Variants in TANC1 observed in about 807,000 individuals in gnomAD.
The protein encoded by TANC1 is tetratricopeptide repeat, ankyrin repeat and coiled-coil containing 1.
A neutral mutation model predicts 149.7 loss-of-function variants in TANC1; 77 were observed. The observed-to-expected ratio is 0.51, with a 90% confidence interval of 0.43 to 0.62. The LOEUF is 0.62. Among genes scored for constraint, TANC1 ranks in the 20% least tolerant of loss-of-function variants. TANC1 has a pLI of 0.00. For missense variants in TANC1, 1,985 were observed against 2,321.8 expected (o/e 0.85, Z 2.98); for synonymous variants, 854 against 925.0 (o/e 0.92, Z 1.39).
At chr2:159,174,190 G>A (rs1028780293) in intron 11 of TANC1, among the ~76,000 whole-genome samples, 6 of 152,110 alleles carry the variant, frequency 3.9e-5, no homozygotes, top group Middle Eastern at 3.4e-3. Context: ...TCTATAGCAC[G>A]CCTCCCATTC....
chr2:159,081,548 G>C (rs540839246), intron 3 of TANC1, among the ~76,000 whole-genome samples: 1 of 152,270 alleles, frequency 6.6e-6, no homozygotes, highest in Non-Finnish European at 1.5e-5. Flanking sequence ...TTCCCAAATG[G>C]AGATGTGGCA....
intron 9 of TANC1, 71 bp from the exon 10 acceptor site, chr2:159,170,453 C>T: frequency 2.2e-6 from 3 of 1,377,918 alleles, no homozygotes; most frequent in Admixed American, 2.2e-5. Context: ...AACACACAAG[C>T]AATAATATTT....
At chr2:159,170,110 G>A (rs116833601) in intron 9 of TANC1, among the ~76,000 whole-genome samples, 1,574 of 152,244 alleles carry the variant, frequency 0.01, 40 homozygotes, top group African/African-American at 0.036. Flanking sequence ...CTGGATGAGA[G>A]CAGAGCCCTA....
intron 2 of TANC1, among the ~76,000 whole-genome samples, chr2:159,059,135 A>G (rs969883949): frequency 3.9e-5 from 6 of 152,258 alleles, no homozygotes; most frequent in African/African-American, 1.2e-4. Context: ...TGTTGAATAA[A>G]GAATGAATGA....
intron 4 of TANC1, among the ~76,000 whole-genome samples, chr2:159,105,814 A>G (rs1219686999): frequency 2.0e-5 from 3 of 152,228 alleles, no homozygotes; most frequent in Non-Finnish European, 1.5e-5. Context: ...TACTTGTTTA[A>G]CATTGTAGAT....
At chr2:159,066,378 T>TA (rs2042668929) in intron 3 of TANC1, among the ~76,000 whole-genome samples, 1 of 152,058 alleles carries the variant, frequency 6.6e-6, no homozygotes, top group Non-Finnish European at 1.5e-5. Context: ...AAAGCCACTG[T>TA]ACTCCAGCCT....
chr2:159,043,354 T>C (rs575890545), intron 2 of TANC1, among the ~76,000 whole-genome samples: 2 of 152,108 alleles, frequency 1.3e-5, no homozygotes, highest in Non-Finnish European at 2.9e-5. Context: ...AACCACTCTC[T>C]GTTGCAAGCA....
chr2:158,980,774 C>CA (rs200444006), intron 1 of TANC1, among the ~76,000 whole-genome samples: 15,520 of 109,578 alleles, frequency 0.14, 917 homozygotes, highest in African/African-American at 0.16. Flanking sequence ...GACTCCATCT[C>CA]AAAAAAAAAA....
At chr2:159,076,737 A>G (rs1239218425) in intron 3 of TANC1, among the ~76,000 whole-genome samples, 1 of 152,188 alleles carries the variant, frequency 6.6e-6, no homozygotes, top group Non-Finnish European at 1.5e-5. Context: ...TGCTTGAGGA[A>G]GACCTGGAAA....
intron 1 of TANC1, among the ~76,000 whole-genome samples, chr2:158,982,184 T>C (rs779692956): frequency 6.6e-6 from 1 of 152,230 alleles, no homozygotes; most frequent in Non-Finnish European, 1.5e-5. Context: ...CGCATTCTTA[T>C]ATTTAATCCT....
chr2:159,069,063 G>A (rs745647419), intron 3 of TANC1, among the ~76,000 whole-genome samples: 1 of 152,212 alleles, frequency 6.6e-6, no homozygotes, highest in South Asian at 2.1e-4. Flanking sequence ...ATTATGTACA[G>A]TGAAACTTAA....
chr2:159,217,436 T>G (rs764483074), intron 19 of TANC1, 61 bp from the exon 20 acceptor site: 166 of 1,603,256 alleles, frequency 1.0e-4, no homozygotes, highest in Non-Finnish European at 1.3e-4. Flanking sequence ...GTTAAAGAAT[T>G]TCTGGCTATC....
chr2:159,193,148 G>A (rs890568635), intron 16 of TANC1, among the ~76,000 whole-genome samples: 10 of 152,038 alleles, frequency 6.6e-5, no homozygotes, highest in African/African-American at 2.4e-4. Flanking sequence ...CTGTGCCCAG[G>A]CCCAGAAACC....
intron 2 of TANC1, among the ~76,000 whole-genome samples, chr2:159,009,385 G>T (rs906225830): frequency 6.6e-6 from 1 of 152,134 alleles, no homozygotes; most frequent in Non-Finnish European, 1.5e-5. Context: ...CAGATGAATA[G>T]AATGTAATAT....
chr2:159,193,261 C>A (rs2057593879), intron 16 of TANC1, among the ~76,000 whole-genome samples: 1 of 152,128 alleles, frequency 6.6e-6, no homozygotes, highest in Non-Finnish European at 1.5e-5. Flanking sequence ...ATTTCACTTC[C>A]CCGAGGTTTA....
In TANC1 at chr2:159,150,574, C is replaced by G; in HGVS notation, c.682+18C>G. The G allele has an allele frequency of 6.3e-7, 1 of 1,591,194 alleles. No individual in the cohort carries two copies. The highest frequency in any genetic ancestry group is 8.6e-7 in the Non-Finnish European group (1 of 1,159,410). ...AATTATAGGTAAGAAGCACACTGCTCGGTAACATAATGGCTCGAATCTCAT... is the reference window on the plus strand; with the variant it reads ...AATTATAGGTAAGAAGCACACTGCTGGGTAACATAATGGCTCGAATCTCAT... On this transcript the variant is annotated intron_variant, in intron 7 of 26. Coordinates refer to ENST00000263635, the MANE Select transcript of TANC1 (RefSeq NM_033394.3).
intron 3 of TANC1, among the ~76,000 whole-genome samples, chr2:159,093,597 C>T (rs534453546): frequency 6.6e-6 from 1 of 152,322 alleles, no homozygotes; most frequent in South Asian, 2.1e-4. Context: ...TAAAACTTCT[C>T]TCCCTACTTT....
Position 159,163,389 on chromosome 2 carries a change from C to T in TANC1, c.789C>T (p.Asp263=). 6.2e-7 allele frequency: 1 copy of T among 1,614,198 alleles called. No homozygotes were observed. Among genetic ancestry groups the T allele is most frequent in the Non-Finnish European group, 8.5e-7 (1 of 1,180,036 alleles). The change falls in exon 8 of 27, where the codon GAC becomes GAT. Residue 263 remains aspartate (D), a synonymous_variant. Transcript: ENST00000263635. ...GGGTTCAGAAGGGAGTGCTTCATGA[C>T]CGCAGGGCAGATAACTGCTCCCCAG... ...RLGVQKGVLH[D]RRADNCSPVA...
intron 2 of TANC1, among the ~76,000 whole-genome samples, chr2:159,051,924 G>A (rs1361192991): frequency 6.6e-6 from 1 of 152,086 alleles, no homozygotes; most frequent in Non-Finnish European, 1.5e-5. Context: ...TGAGAAATTG[G>A]CAATGGCTCA....
Sources: allele counts gnomAD v4.1 joint callset (sites outside exome capture counted in the v4.1 genomes callset), GRCh38; gene constraint gnomAD v4.1.1; transcripts MANE v1.5; gene names NCBI Gene and HGNC (gene_info 2026-07-23, HGNC 2026-07-21).